Variants in WDR36 observed in about 807,000 individuals in gnomAD.
WDR36 encodes the protein WD repeat-containing protein 36.
WDR36 carries 63 observed loss-of-function variants against 112.7 expected under a neutral mutation model. That is an observed-to-expected ratio of 0.56 (90% CI 0.46 to 0.69). WDR36 has a LOEUF of 0.69. Among genes scored for constraint, WDR36 ranks in the 30% least tolerant of loss-of-function variants. The pLI is 0.00. For synonymous variants in WDR36, 410 were observed against 362.2 expected, an observed-to-expected ratio of 1.13 and a Z score of -1.50; for missense variants, 1,226 against 1,070.3, an observed-to-expected ratio of 1.15 and a Z score of -2.03.
At chr5:111,114,190 T>C (rs1351760014) in intron 16 of WDR36, among the ~76,000 whole-genome samples, 1 of 152,150 alleles carries the variant, frequency 6.6e-6, no homozygotes, top group African/African-American at 2.4e-5. Flanking sequence ...TAGGTATAGA[T>C]ACCATTTAAA....
intron 8 of WDR36, 41 bp from the exon 9 acceptor site, chr5:111,104,656 T>C (rs1044270519): frequency 1.9e-6 from 3 of 1,610,414 alleles, no homozygotes; most frequent in Non-Finnish European, 1.7e-6. Flanking sequence ...GCAGATCAGA[T>C]GGAACATTGT....
At chr5:111,110,760 T>G in intron 13 of WDR36, 28 bp from the exon 14 acceptor site, 1 of 1,604,400 alleles carries the variant, frequency 6.2e-7, no homozygotes. Context: ...ATTCTGATTT[T>G]TTTTTTCTTT....
intron 22 of WDR36, among the ~76,000 whole-genome samples, chr5:111,126,517 A>G (rs1371167702): frequency 1.3e-5 from 2 of 152,116 alleles, no homozygotes; most frequent in Non-Finnish European, 2.9e-5. Flanking sequence ...AGTGATGACC[A>G]CTTTAATTCT....
At chr5:111,109,857 T>C (rs766624439) in intron 12 of WDR36, among the ~76,000 whole-genome samples, 13 of 151,458 alleles carry the variant, frequency 8.6e-5, no homozygotes, top group Non-Finnish European at 1.6e-4. Context: ...TGGAATGTTT[T>C]AACTTTGGCT....
intron 8 of WDR36, 152 bp from the exon 9 acceptor site, chr5:111,104,545 C>A (rs909829267): frequency 6.5e-6 from 9 of 1,376,892 alleles, no homozygotes; most frequent in East Asian, 2.3e-5. Flanking sequence ...CAGTTTATTT[C>A]TCCCCCAATA....
chr5:111,098,872 A>AGGGT lies in WDR36; in HGVS notation c.409+34_409+37dup, dbSNP rs747228270. 1.5e-5 allele frequency: 21 copies of AGGGT among 1,376,720 alleles called. No homozygotes were observed. In the East Asian group the frequency reaches 4.6e-4, roughly 30 times the overall value. The allele number at this position is 1,376,720 out of a possible 1,614,324, so 85.3% of individuals were successfully genotyped here. A position where few individuals can be genotyped will look rare whatever the true frequency, so the allele number is the denominator to read the frequency against. ...TTAACTCATTTATTTGCTTTATCTT[A>AGGGT]GGGTAGTATGTGTTTAATTAAAATT... is the stretch of plus-strand genomic sequence containing the variant. On this transcript the variant is annotated intron_variant, in intron 4 of 22. Coordinates refer to ENST00000513710, the MANE Select transcript of WDR36 (RefSeq NM_139281.3).
In WDR36 at chr5:111,104,703, A is replaced by G. The variant is rs371931119; in HGVS notation, c.913A>G (p.Ile305Val). Reference sequence around the variant, plus strand: ...CGTTTTTATTTCTTGGCAGATATGGATATTTGATGGTCCTACAGGTGAAGG... The same window carrying G: ...CGTTTTTATTTCTTGGCAGATATGGGTATTTGATGGTCCTACAGGTGAAGG... ...NGADNALRIW[I>V]FDGPTGEGRL... Residue 305 changes from isoleucine (I) to valine (V), a missense_variant, in exon 9 of 23, where the codon ATA becomes GTA. Transcript: ENST00000513710. 4.3e-6 allele frequency: 7 copies of G among 1,610,950 alleles called. No homozygotes were observed. In the African/African-American group the frequency reaches 9.4e-5, roughly 22 times the overall value.
Position 111,110,867 on chromosome 5 carries a change from C to G in WDR36, c.1521C>G (p.Leu507=). The change falls in exon 14 of 23, where the codon CTC becomes CTG. Residue 507 remains leucine (L), a synonymous_variant. Transcript: ENST00000513710. ...LTVTTGSEGL[L]KFWNFKNKIL... ...TTACAACTGGTAGTGAAGGATTACT[C>G]AAATTCTGGAACTTTAAAAACAAAA... The G allele has an allele frequency of 1.9e-6, 3 of 1,611,678 alleles. No individual in the cohort carries two copies. The highest frequency in any genetic ancestry group is 8.5e-7 in the Non-Finnish European group (1 of 1,178,500).
In WDR36 at chr5:111,096,416, TCA is replaced by T. The variant is rs1171854573; in HGVS notation, c.191-660_191-659del. ...GTGAACTTGATGTTCCAGAAGATAC[TCA>T]CATGGGTTAGGCATGTGGCTCACGC... On this transcript the variant is annotated intron_variant, in intron 2 of 22. Transcript: ENST00000513710. Among the ~76,000 whole-genome samples, 8 of 152,302 alleles carry T rather than the reference TCA, an allele frequency of 5.3e-5. No homozygotes were observed. The East Asian group carries it at 1.5e-3, about 29-fold the overall frequency.
chr5:111,129,472 A>G lies in WDR36; in HGVS notation c.*2589A>G. ...GGTTTTAAATCAGAAATTTCTCACT[A>G]GTGAAGATGGACATATTTTTGTATG... is the stretch of plus-strand genomic sequence containing the variant. On this transcript the variant is annotated 3_prime_UTR_variant, in exon 23 of 23. Coordinates refer to ENST00000513710, the MANE Select transcript of WDR36 (RefSeq NM_139281.3). The G allele has an allele frequency of 5.2e-6, 1 of 192,902 alleles. No individual in the cohort carries two copies. The highest frequency in any genetic ancestry group is 6.1e-5 in the Admixed American group (1 of 16,386). The allele number at this position is 192,902 out of a possible 1,614,324, so 11.9% of individuals were successfully genotyped here.
At chr5:111,123,116 A>C (rs1753601807) in intron 19 of WDR36, among the ~76,000 whole-genome samples, 1 of 152,150 alleles carries the variant, frequency 6.6e-6, no homozygotes, top group Non-Finnish European at 1.5e-5. Flanking sequence ...CTCAAAAAAA[A>C]AAATGTTCCT....
Position 111,106,123 on chromosome 5 carries a change from C to A in WDR36, c.1160C>A (p.Pro387His). 6.2e-7 allele frequency: 1 copy of A among 1,609,912 alleles called. No homozygotes were observed. The highest frequency in any genetic ancestry group is 8.5e-7 in the Non-Finnish European group (1 of 1,177,064). The change falls in exon 11 of 23, where the codon CCC becomes CAC. Residue 387 changes from proline (P) to histidine (H), a missense_variant. Pro to His is a moderately conservative substitution (Grantham distance 77). Coordinates refer to ENST00000513710, the MANE Select transcript of WDR36 (RefSeq NM_139281.3). ...AATACCATGTCAGTGAGACTTCCAC[C>A]CATCACAAAGTTTGCAGCAGGTAAG... is the stretch of plus-strand genomic sequence containing the variant. ...LQNTMSVRLP[P>H]ITKFAAEEAR...
intron 16 of WDR36, among the ~76,000 whole-genome samples, chr5:111,117,518 AGAATTTATATTGG>A (rs778784550): frequency 6.0e-4 from 92 of 152,278 alleles, no homozygotes; most frequent in Non-Finnish European, 1.1e-3. Context: ...TGGCTTTACT[AGAATTTATATTGG>A]CTAACAATAT....
intron 19 of WDR36, 95 bp downstream of exon 19, chr5:111,121,236 A>G (rs1753560596): frequency 7.4e-7 from 1 of 1,344,556 alleles, no homozygotes; most frequent in Non-Finnish European, 1.1e-6. Context: ...TGAGGGCATT[A>G]GAAGAGCAAT....
chr5:111,127,320 T>C lies in WDR36; in HGVS notation c.*437T>C, dbSNP rs968236155. On this transcript the variant is annotated 3_prime_UTR_variant, in exon 23 of 23. Transcript: ENST00000513710. The stretch of plus-strand genomic sequence containing the variant: ...ATTACCTGCTTATATTTTTTGAGTA[T>C]CTGTTTCATATAAAGAGATGCTGCA... 9 of 207,754 alleles carry C rather than the reference T, an allele frequency of 4.3e-5. No individual in the cohort carries two copies. The highest frequency in any genetic ancestry group is 2.0e-4 in the African/African-American group (9 of 43,934). The allele number at this position is 207,754 out of a possible 1,614,324, so 12.9% of individuals were successfully genotyped here.
chr5:111,096,501 C>T (rs891315706), intron 2 of WDR36, among the ~76,000 whole-genome samples: 2 of 152,106 alleles, frequency 1.3e-5, no homozygotes, highest in Non-Finnish European at 2.9e-5. Context: ...GTCAGGAGTT[C>T]AAGACCAGCC....
rs1226452665 is a variant in WDR36 at position 111,104,345 on chromosome 5, C to T, written c.899C>T (p.Ala300Val). The T allele has an allele frequency of 3.1e-6, 5 of 1,611,608 alleles. No homozygotes were observed. The highest frequency in any genetic ancestry group is 4.2e-6 in the Non-Finnish European group (5 of 1,178,290). ...CTTGTCACAAATGGCGCTGACAATG[C>T]TCTTAGGGTATTATGATTATTGTTA... is the stretch of plus-strand genomic sequence containing the variant. ...PLLVTNGADN[A>V]LRIWIFDGPT... is the part of the protein sequence containing the mutation. Residue 300 changes from alanine to valine, a missense_variant, in exon 8 of 23, where the codon GCT becomes GTT. Ala to Val is a moderately conservative substitution (Grantham distance 64). Coordinates refer to ENST00000513710, the MANE Select transcript of WDR36 (RefSeq NM_139281.3).
intron 19 of WDR36, among the ~76,000 whole-genome samples, chr5:111,123,595 G>A (rs890344772): frequency 2.0e-5 from 3 of 151,988 alleles, no homozygotes; most frequent in South Asian, 2.1e-4. Flanking sequence ...CTGCCTTATC[G>A]GCAAGGGTGC....
In WDR36 at chr5:111,128,395, T is replaced by G. The variant is rs1029965338; in HGVS notation, c.*1512T>G. The G allele has an allele frequency of 1.1e-5, 2 of 183,230 alleles. No individual in the cohort carries two copies. The highest frequency in any genetic ancestry group is 4.7e-5 in the African/African-American group (2 of 42,638). The allele number at this position is 183,230 out of a possible 1,614,324, so 11.4% of individuals were successfully genotyped here. On this transcript the variant is annotated 3_prime_UTR_variant, in exon 23 of 23. Coordinates refer to ENST00000513710, the MANE Select transcript of WDR36 (RefSeq NM_139281.3). ...TGTGGTTATTGTACTCAATTTCGTT[T>G]TTCTTTTAGAAATGTGTATTGACTT...
Sources: gnomAD v4.1 joint callset for allele counts (sites outside exome capture counted in the v4.1 genomes callset) on GRCh38, gnomAD v4.1.1 for gene constraint, MANE v1.5 for transcripts, NCBI Gene and HGNC (gene_info 2026-07-23, HGNC 2026-07-21) for gene names.